The following STK3 variants were observed in gnomAD, a reference collection of about 807,000 sequenced individuals.
STK3 encodes the protein serine/threonine kinase 3.
A neutral mutation model predicts 58.0 loss-of-function variants in STK3; 41 were observed. That is an observed-to-expected ratio of 0.71 (90% CI 0.55 to 0.92). The LOEUF (loss-of-function observed/expected upper bound fraction) is 0.92, where lower values mean the gene tolerates loss of function less well. STK3 is among the 40% of genes least tolerant of loss of function. STK3 has a pLI of 0.00. For synonymous variants in STK3, 170 were observed against 191.0 expected (o/e 0.89, Z 0.91); for missense variants, 479 against 602.7 (o/e 0.79, Z 2.15).
intron 2 of STK3, chr8:98,434,418 T>C (rs1248648818): frequency 6.6e-6 from 1 of 152,228 alleles, no homozygotes; most frequent in Non-Finnish European, 1.5e-5. Context: ...AGGGAAGAAC[T>C]TAAATGTTGC....
At chr8:98,890,174 T>A (rs1052608962) in intron 1 of STK3, among the ~76,000 whole-genome samples, 114 of 152,212 alleles carry the variant, frequency 7.5e-4, no homozygotes, top group African/African-American at 2.6e-3. Flanking sequence ...TGGCTTCCAC[T>A]CCAGTGCTCT....
chr8:98,446,651 C>T (rs1286970570), intron 1 of STK3, among the ~76,000 whole-genome samples: 1 of 152,098 alleles, frequency 6.6e-6, no homozygotes, highest in African/African-American at 2.4e-5. Context: ...TGCTTATATA[C>T]TGTTGGTGAG....
chr8:98,600,134 C>A (rs763685339), intron 6 of STK3, among the ~76,000 whole-genome samples: 43 of 152,128 alleles, frequency 2.8e-4, no homozygotes, highest in Non-Finnish European at 2.6e-4. Context: ...CATGAACTCA[C>A]AATTCACTCC....
At chr8:98,574,266 G>A in intron 8 of STK3, among the ~76,000 whole-genome samples, 1 of 152,138 alleles carries the variant, frequency 6.6e-6, no homozygotes, top group East Asian at 1.9e-4. Context: ...ATAAGCTTAA[G>A]AAACGACAAT....
intron 1 of STK3, among the ~76,000 whole-genome samples, chr8:98,798,208 G>A (rs1833303498): frequency 6.6e-6 from 1 of 152,150 alleles, no homozygotes; most frequent in African/African-American, 2.4e-5. Flanking sequence ...CTTCAAGGCA[G>A]CTCATAATCT....
At chr8:98,642,445 T>C (rs1820098286) in intron 6 of STK3, among the ~76,000 whole-genome samples, 1 of 152,198 alleles carries the variant, frequency 6.6e-6, no homozygotes, top group South Asian at 2.1e-4. Context: ...ACACCCTTTA[T>C]ATAACATTAT....
intron 2 of STK3, among the ~76,000 whole-genome samples, chr8:98,770,391 T>C (rs1033528974): frequency 6.6e-6 from 1 of 152,192 alleles, no homozygotes; most frequent in African/African-American, 2.4e-5. Context: ...CTAAAGAATA[T>C]GTGTGAGAAC....
chr8:98,602,910 A>T (rs1816476111), intron 6 of STK3, among the ~76,000 whole-genome samples: 1 of 150,802 alleles, frequency 6.6e-6, no homozygotes, highest in Non-Finnish European at 1.5e-5. Context: ...ACTTGGAAGT[A>T]CCAAATATAT....
intron 6 of STK3, among the ~76,000 whole-genome samples, chr8:98,663,710 T>C (rs546425432): frequency 2.6e-4 from 39 of 152,350 alleles, no homozygotes; most frequent in Non-Finnish European, 4.9e-4. Context: ...GATGAGTTCA[T>C]GTCCTTTGTA....
intron 10 of STK3, among the ~76,000 whole-genome samples, chr8:98,488,511 A>T (rs2131309815): frequency 6.6e-6 from 1 of 152,308 alleles, no homozygotes. Flanking sequence ...TCTAGAGTTT[A>T]TTCTTTTCCT....
chr8:98,858,652 G>C (rs1056231724), intron 3 of STK3, among the ~76,000 whole-genome samples: 6 of 151,774 alleles, frequency 4.0e-5, no homozygotes, highest in Admixed American at 1.3e-4. Flanking sequence ...CCAGCACTTT[G>C]GGAGGCCAAG....
intron 3 of STK3, chr8:98,427,791 G>C (rs1298148575): frequency 1.7e-6 from 1 of 579,460 alleles, no homozygotes; most frequent in African/African-American, 1.9e-5. Context: ...CCTGGGAGGG[G>C]ATCAGACCCC....
intron 7 of STK3, among the ~76,000 whole-genome samples, chr8:98,592,038 TA>T (rs1295859944): frequency 6.6e-6 from 1 of 152,220 alleles, no homozygotes; most frequent in Non-Finnish European, 1.5e-5. Context: ...CTCAGGTCCT[TA>T]ACAATTCACA....
chr8:98,430,696 G>A (rs939604082), intron 3 of STK3: 11 of 167,112 alleles, frequency 6.6e-5, no homozygotes, highest in Admixed American at 1.3e-4. Flanking sequence ...TGGAAACACT[G>A]CAGTTCTTAC....
chr8:98,453,306 C>G (rs1055053773), downstream of STK3, among the ~76,000 whole-genome samples: 22 of 151,712 alleles, frequency 1.5e-4, no homozygotes, highest in Non-Finnish European at 2.6e-4. Flanking sequence ...TCAGGCTGGT[C>G]TCGAACTCCT....
intron 4 of STK3, among the ~76,000 whole-genome samples, chr8:98,725,773 G>A (rs1345956160): frequency 6.6e-6 from 1 of 151,836 alleles, no homozygotes; most frequent in East Asian, 1.9e-4. Context: ...GTAAAAAGTG[G>A]CAATTTACAT....
At chr8:98,557,250 G>A (rs1811667100) in intron 8 of STK3, among the ~76,000 whole-genome samples, 2 of 152,004 alleles carry the variant, frequency 1.3e-5, no homozygotes, top group South Asian at 4.1e-4. Flanking sequence ...TTTAATCACT[G>A]AGTTAGAAAG....
At chr8:98,706,666 C>A in intron 5 of STK3, 32 bp from the exon 6 acceptor site, 1 of 1,506,958 alleles carries the variant, frequency 6.6e-7, no homozygotes. Context: ...ATAAATGCTA[C>A]TACAAAAGCA....
At chr8:98,703,166 C>T (rs1825737726) in intron 6 of STK3, among the ~76,000 whole-genome samples, 1 of 152,114 alleles carries the variant, frequency 6.6e-6, no homozygotes, top group African/African-American at 2.4e-5. Context: ...ATTGTGATTA[C>T]ATGGTTTTAA....
Sources: gnomAD v4.1 joint callset for allele counts (sites outside exome capture counted in the v4.1 genomes callset) on GRCh38, gnomAD v4.1.1 for gene constraint, MANE v1.5 for transcripts, NCBI Gene and HGNC (gene_info 2026-07-23, HGNC 2026-07-21) for gene names.